Variants in NF2 observed in about 807,000 individuals in gnomAD.
The protein encoded by NF2 is merlin.
Under a neutral mutation model 83.7 loss-of-function variants are expected in NF2, and 8 were observed. The ratio of observed to expected loss-of-function variants is 0.10; its 90% CI spans 0.06 to 0.17. The LOEUF (loss-of-function observed/expected upper bound fraction) is 0.17, where lower values mean the gene tolerates loss of function less well. NF2 is among the 10% of genes least tolerant of loss of function. The pLI is 1.00. For synonymous variants in NF2, 266 were observed against 269.6 expected, an observed-to-expected ratio of 0.99 and a Z score of 0.13; for missense variants, 533 against 744.4, an observed-to-expected ratio of 0.72 and a Z score of 3.31.
chr22:29,677,826 A>G (rs2067011329), intron 13 of NF2, among the ~76,000 whole-genome samples: 1 of 152,174 alleles, frequency 6.6e-6, no homozygotes, highest in Admixed American at 6.5e-5. Flanking sequence ...TTTCCTGAAC[A>G]AGACTTTCAG....
intron 7 of NF2, among the ~76,000 whole-genome samples, chr22:29,659,475 T>C (rs1251805841): frequency 6.6e-6 from 1 of 152,240 alleles, no homozygotes; most frequent in Non-Finnish European, 1.5e-5. Context: ...AAAAGGTTTC[T>C]TATTAGGGAA....
intron 13 of NF2, among the ~76,000 whole-genome samples, chr22:29,675,886 A>C (rs1266975474): frequency 6.6e-6 from 1 of 152,192 alleles, no homozygotes; most frequent in Non-Finnish European, 1.5e-5. Context: ...CACAAAGGGC[A>C]CCAGAGGCAC....
Position 29,683,364 on chromosome 22 carries a change from T to C in NF2, c.1737+1763T>C. 4 of 1,369,084 alleles carry C rather than the reference T, an allele frequency of 2.9e-6. No individual in the cohort carries two copies. The African/African-American group carries it at 5.8e-5, about 20-fold the overall frequency. 84.8% of individuals were successfully genotyped at this position (1,369,084 alleles called of 1,614,324 possible). A position where few individuals can be genotyped will look rare whatever the true frequency, so the allele number is the denominator to read the frequency against. On this transcript the variant is annotated intron_variant, in intron 15 of 15. Coordinates refer to ENST00000338641, the MANE Select transcript of NF2 (RefSeq NM_000268.4). ...TTGGGCTGGGGAAGGTTATGGCTTC[T>C]TGTCCAGTCAGGTGTGTCTAAAAGT...
intron 15 of NF2, among the ~76,000 whole-genome samples, chr22:29,687,514 C>T (rs1040791011): frequency 6.6e-6 from 1 of 152,192 alleles, no homozygotes; most frequent in Non-Finnish European, 1.5e-5. Context: ...AAAGGTGTCT[C>T]CCACAATTAA....
At chr22:29,681,665 G>C in intron 15 of NF2, 64 bp downstream of exon 15, 1 of 1,602,182 alleles carries the variant, frequency 6.2e-7, no homozygotes, top group Non-Finnish European at 8.5e-7. Flanking sequence ...TGTGCGGTTG[G>C]CATCTGGTTT....
In NF2 at chr22:29,681,588, A is replaced by G. The variant is rs1569312127; in HGVS notation, c.1724A>G (p.Asn575Ser). 1 of 1,614,080 alleles carries G rather than the reference A, an allele frequency of 6.2e-7. No homozygotes were observed. Among genetic ancestry groups the G allele is most frequent in the Non-Finnish European group, 8.5e-7 (1 of 1,180,010 alleles). The change falls in exon 15 of 16, where the codon AAT (asparagine) becomes AGT (serine). Residue 575 changes from asparagine (N) to serine (S), a missense_variant. By Grantham distance (46) the Asn-to-Ser change is conservative. This residue lies in a region of NF2 where 199 missense variants were observed against 240.7 expected (regional missense o/e 0.83). Coordinates refer to ENST00000338641, the MANE Select transcript of NF2 (RefSeq NM_000268.4). ...GACAGGGGTGGCAGCAGCAAGCACA[A>G]TACCATTAAAAAGGTACCCAGGGTC... ...NSDRGGSSKH[N>S]TIKKLTLQSA...
At chr22:29,678,796 CTT>C (rs1426884386) in intron 14 of NF2, among the ~76,000 whole-genome samples, 1 of 152,242 alleles carries the variant, frequency 6.6e-6, no homozygotes, top group African/African-American at 2.4e-5. Context: ...GGTGGGGCCA[CTT>C]TGCTGCAGTG....
At chr22:29,626,057 A>T (rs1219487341) in intron 1 of NF2, among the ~76,000 whole-genome samples, 1 of 151,998 alleles carries the variant, frequency 6.6e-6, no homozygotes, top group Admixed American at 6.6e-5. Context: ...CCAACAGTGC[A>T]TCTCCCTACT....
In NF2 at chr22:29,690,366, A is replaced by G. The variant is rs1025188709; in HGVS notation, c.1738-4386A>G. ...TTGTCACACCACACACAATTTGGGG[A>G]GCGTAAGGAGGCCCAGCTCTGCCAG... On this transcript the variant is annotated intron_variant, in intron 15 of 15. Coordinates refer to ENST00000338641, the MANE Select transcript of NF2 (RefSeq NM_000268.4). 2.6e-5 allele frequency among the ~76,000 whole-genome samples: 4 copies of G among 152,080 alleles called. No homozygotes were observed. In the South Asian group the frequency reaches 6.2e-4, roughly 24 times the overall value.
chr22:29,603,614 C>A, upstream of NF2: 1 of 398,908 alleles, frequency 2.5e-6, no homozygotes, highest in Non-Finnish European at 4.4e-6. Context: ...CGCGTACGCG[C>A]CCGATGCAGC....
chr22:29,623,763 A>T (rs900671645), intron 1 of NF2, among the ~76,000 whole-genome samples: 5 of 152,100 alleles, frequency 3.3e-5, no homozygotes, highest in Non-Finnish European at 5.9e-5. Context: ...AATCATCAAG[A>T]TCCCTAAACC....
chr22:29,647,574 C>G (rs2531850), intron 4 of NF2, among the ~76,000 whole-genome samples: 1 of 151,964 alleles, frequency 6.6e-6, no homozygotes, highest in African/African-American at 2.4e-5. Context: ...TAGGTTCACA[C>G]TTCAGGTGGT....
chr22:29,681,606 C>G lies in NF2; in HGVS notation c.1737+5C>G, dbSNP rs1217457776. 4 of 1,613,816 alleles carry G rather than the reference C, an allele frequency of 2.5e-6. No homozygotes were observed. The South Asian group carries it at 4.4e-5, about 18-fold the overall frequency. On this transcript the variant is annotated splice_donor_5th_base_variant and intron_variant, in intron 15 of 15. Transcript: ENST00000338641. ...AAGCACAATACCATTAAAAAGGTAC[C>G]CAGGGTCTCTTTCTTGTATTTTGCT...
At chr22:29,669,029 G>A (rs1348074340) in intron 10 of NF2, among the ~76,000 whole-genome samples, 2 of 152,202 alleles carry the variant, frequency 1.3e-5, no homozygotes, top group African/African-American at 4.8e-5. Context: ...ACTAATTTGG[G>A]CCTTACTGCT....
At position 29,656,402 on chromosome 22, in the gene NF2, A is replaced by G. The variant is rs571151694; in HGVS notation, c.599+726A>G. Among the ~76,000 whole-genome samples, 493 of 138,198 alleles carry G rather than the reference A, an allele frequency of 3.6e-3. 7 individuals are homozygous for G. Among genetic ancestry groups the G allele is most frequent in the African/African-American group, 0.013 (468 of 37,258 alleles). 90.7% of individuals were successfully genotyped at this position (138,198 alleles called of 152,430 possible). On this transcript the variant is annotated intron_variant, in intron 6 of 15. Coordinates refer to ENST00000338641, the MANE Select transcript of NF2 (RefSeq NM_000268.4). ...CAATTGTATGAGTAGTTCTGGGGATATATTCTTTTTTTTTTTTTTTTTTTT... is the reference window on the plus strand; with the variant it reads ...CAATTGTATGAGTAGTTCTGGGGATGTATTCTTTTTTTTTTTTTTTTTTTT...
intron 3 of NF2, among the ~76,000 whole-genome samples, chr22:29,640,276 C>T (rs535280293): frequency 3.4e-4 from 51 of 150,084 alleles, no homozygotes; most frequent in Non-Finnish European, 6.1e-4. Flanking sequence ...GTACTTCAGA[C>T]ATCGTGCTTC....
chr22:29,671,463 A>T (rs1015923815), intron 10 of NF2, among the ~76,000 whole-genome samples: 6 of 152,142 alleles, frequency 3.9e-5, no homozygotes, highest in African/African-American at 1.4e-4. Context: ...TGGGAGGCGG[A>T]GGTTGCAGTG....
intron 1 of NF2, among the ~76,000 whole-genome samples, chr22:29,629,475 G>T: frequency 6.6e-6 from 1 of 152,182 alleles, no homozygotes; most frequent in South Asian, 2.1e-4. Context: ...AAATTCTCAA[G>T]TCTCCTATAA....
rs1467079595 is a variant in NF2 at position 29,603,719 on chromosome 22, G to A, written c.-280G>A. 8.9e-6 allele frequency: 4 copies of A among 450,444 alleles called. No homozygotes were observed. Among genetic ancestry groups the A allele is most frequent in the Non-Finnish European group, 1.6e-5 (4 of 256,202 alleles). 27.9% of individuals were successfully genotyped at this position (450,444 alleles called of 1,614,324 possible). On this transcript the variant is annotated 5_prime_UTR_variant, in exon 1 of 16. Coordinates refer to ENST00000338641, the MANE Select transcript of NF2 (RefSeq NM_000268.4). ...GTCCCGAGGCGTCCCCGGCATCTCC[G>A]GCCCGAATCCCGGAGTGCCGGGTCG...
Sources: allele counts gnomAD v4.1 joint callset (sites outside exome capture counted in the v4.1 genomes callset), GRCh38; gene constraint gnomAD v4.1.1; regional missense constraint gnomAD v4.1.1; transcripts MANE v1.5; gene names NCBI Gene and HGNC (gene_info 2026-07-23, HGNC 2026-07-21).